The following TMEM120B variants were observed in gnomAD, a reference collection of about 807,000 sequenced individuals.
TMEM120B encodes transmembrane protein 120B.
A neutral mutation model predicts 55.5 loss-of-function variants in TMEM120B; 31 were observed. The observed-to-expected ratio is 0.56, with a 90% CI of 0.42 to 0.75. The LOEUF (loss-of-function observed/expected upper bound fraction) is 0.75, where lower values mean the gene tolerates loss of function less well. Ranked by LOEUF, TMEM120B falls within the 30% of genes least tolerant of loss-of-function variation. The pLI is 0.00. For synonymous variants in TMEM120B, 203 were observed against 176.3 expected (o/e 1.15, Z -1.20); for missense variants, 399 against 425.5 (o/e 0.94, Z 0.55).
At chr12:121,774,834 C>T (rs1213156171) in intron 10 of TMEM120B, 112 bp downstream of exon 10, 1 of 1,357,446 alleles carries the variant, frequency 7.4e-7, no homozygotes, top group Non-Finnish European at 1.0e-6. Context: ...GGGCCCACAG[C>T]ATCCTGGGGC....
chr12:121,714,625 G>A (rs993256612), intron 1 of TMEM120B, among the ~76,000 whole-genome samples: 13 of 141,130 alleles, frequency 9.2e-5, no homozygotes, highest in Admixed American at 3.7e-4. Context: ...GCAGTGGCAC[G>A]ATCGTGGCTC....
intron 5 of TMEM120B, among the ~76,000 whole-genome samples, chr12:121,755,068 C>T (rs1158724387): frequency 6.6e-6 from 1 of 152,194 alleles, no homozygotes. Context: ...GTTAGCATCA[C>T]CGTTGTTTTG....
At chr12:121,751,352 C>T (rs1451156813) in intron 4 of TMEM120B, among the ~76,000 whole-genome samples, 1 of 97,578 alleles carries the variant, frequency 1.0e-5, no homozygotes, top group Non-Finnish European at 2.2e-5. Flanking sequence ...CACCCACACC[C>T]CACCCCACAC....
intron 1 of TMEM120B, among the ~76,000 whole-genome samples, chr12:121,723,007 C>G (rs1406800387): frequency 6.6e-6 from 1 of 152,022 alleles, no homozygotes; most frequent in Non-Finnish European, 1.5e-5. Flanking sequence ...CACCTCCACA[C>G]CCGGCTAATT....
chr12:121,746,429 G>C lies in TMEM120B; in HGVS notation c.189-1897G>C, dbSNP rs530489561. ...CTTGAACTCCCAACCTCAGGTGATC[G>C]GCCCACCTCAGCCTCCCAACGTATT... On this transcript the variant is annotated intron_variant, in intron 2 of 11. Coordinates refer to ENST00000449592, the MANE Select transcript of TMEM120B (RefSeq NM_001080825.2). 3.3e-5 allele frequency among the ~76,000 whole-genome samples: 5 copies of C among 151,732 alleles called. No individual in the cohort carries two copies. In the South Asian group the frequency reaches 6.2e-4, roughly 19 times the overall value.
chr12:121,744,725 T>A (rs774713788), intron 2 of TMEM120B, among the ~76,000 whole-genome samples: 1 of 152,178 alleles, frequency 6.6e-6, no homozygotes, highest in Admixed American at 6.6e-5. Context: ...CCAAGTGACT[T>A]GTCCCAGGTC....
intron 1 of TMEM120B, among the ~76,000 whole-genome samples, chr12:121,741,855 TG>T (rs1235270844): frequency 6.6e-6 from 1 of 151,748 alleles, no homozygotes; most frequent in Non-Finnish European, 1.5e-5. Context: ...TTTTCCTTCC[TG>T]GGGGGCCCAG....
At chr12:121,761,294 A>G (rs993254224) in intron 5 of TMEM120B, among the ~76,000 whole-genome samples, 2 of 152,136 alleles carry the variant, frequency 1.3e-5, no homozygotes, top group Non-Finnish European at 2.9e-5. Context: ...TCCCGTTCTT[A>G]AAGTCCTTCC....
chr12:121,717,127 C>T (rs7305594), intron 1 of TMEM120B, among the ~76,000 whole-genome samples: 1,571 of 152,296 alleles, frequency 0.01, 28 homozygotes, highest in African/African-American at 0.035. Flanking sequence ...GAGTGCTAGT[C>T]TGAGACCAGT....
chr12:121,745,908 C>T (rs1873067395), intron 2 of TMEM120B, among the ~76,000 whole-genome samples: 1 of 152,076 alleles, frequency 6.6e-6, no homozygotes, highest in Admixed American at 6.6e-5. Flanking sequence ...GTCACCCAGG[C>T]TGGAATGCAG....
rs1049956519 is a variant in TMEM120B, at chr12:121,780,666, G to A, written c.*4944G>A. ...CTGTAAACTGGGGGATGTGAACAGC[G>A]CCTGCCTCCGAGTCCTAAGGATTGG... On this transcript the variant is annotated 3_prime_UTR_variant, in exon 12 of 12. Transcript: ENST00000449592. 5.0e-5 allele frequency: 31 copies of A among 618,324 alleles called. No individual in the cohort carries two copies. The highest frequency in any genetic ancestry group is 4.2e-4 in the African/African-American group (23 of 54,282). The allele number at this position is 618,324 out of a possible 1,614,324, so 38.3% of individuals were successfully genotyped here. A position where few individuals can be genotyped will look rare whatever the true frequency, so the allele number is the denominator to read the frequency against.
At chr12:121,721,576 A>G (rs753133087) in intron 1 of TMEM120B, among the ~76,000 whole-genome samples, 8 of 151,334 alleles carry the variant, frequency 5.3e-5, no homozygotes, top group Non-Finnish European at 1.0e-4. Context: ...GTTTCAAGCA[A>G]TTCTTCTGCC....
chr12:121,749,754 A>G (rs1392394457), intron 3 of TMEM120B, among the ~76,000 whole-genome samples: 1 of 151,950 alleles, frequency 6.6e-6, no homozygotes, highest in East Asian at 1.9e-4. Context: ...TAAAAATACA[A>G]AAATTAGCTG....
At chr12:121,752,098 G>T in intron 4 of TMEM120B, 30 bp from the exon 5 acceptor site, 1 of 1,586,326 alleles carries the variant, frequency 6.3e-7, no homozygotes, top group South Asian at 1.1e-5. Context: ...ATGGTAAGGG[G>T]CACACCCCTG....
In TMEM120B at chr12:121,781,168, C is replaced by T. The variant is rs746745426; in HGVS notation, c.*5446C>T. 6.2e-6 allele frequency: 10 copies of T among 1,614,194 alleles called. No individual in the cohort carries two copies. In the Admixed American group the frequency reaches 6.7e-5, roughly 11 times the overall value. On this transcript the variant is annotated 3_prime_UTR_variant, in exon 12 of 12. Coordinates refer to ENST00000449592, the MANE Select transcript of TMEM120B (RefSeq NM_001080825.2). ...GTGGGTGTTCTGGTAGGACAGGGGC[C>T]GCAGCCGGTCATAGTCTTCTTGCCC...
At chr12:121,736,384 T>C (rs572826931) in intron 1 of TMEM120B, among the ~76,000 whole-genome samples, 1 of 151,074 alleles carries the variant, frequency 6.6e-6, no homozygotes, top group African/African-American at 2.4e-5. Flanking sequence ...TAGCCAGGAT[T>C]GTCTCGATCT....
Position 121,727,258 on chromosome 12 carries a change from A to T in TMEM120B, c.69+14294A>T, listed in dbSNP as rs1894913349. On this transcript the variant is annotated intron_variant, in intron 1 of 11. Transcript: ENST00000449592. ...TTTTCACATCTTTAGGATGACATCC[A>T]GGGGCCATGGCTCATGCCTGTCATC... Among the ~76,000 whole-genome samples the T allele has an allele frequency of 2.0e-5, 3 of 149,118 alleles. 1 individual carries two copies. The South Asian group carries it at 6.4e-4, about 32-fold the overall frequency.
intron 6 of TMEM120B, among the ~76,000 whole-genome samples, chr12:121,765,777 C>CCCTCCTCCAGCT (rs1349772073): frequency 2.0e-5 from 3 of 152,306 alleles, no homozygotes; most frequent in Non-Finnish European, 4.4e-5. Context: ...TTAGCCTCCG[C>CCCTCCTCCAGCT]CCTCCTCCAG....
At chr12:121,748,267 C>A in intron 2 of TMEM120B, 59 bp from the exon 3 acceptor site, 1 of 1,370,128 alleles carries the variant, frequency 7.3e-7, no homozygotes, top group Non-Finnish European at 1.0e-6. Context: ...CCGGGGAGTC[C>A]ATAGCCCTCC....
Sources: allele counts gnomAD v4.1 joint callset (sites outside exome capture counted in the v4.1 genomes callset), GRCh38; gene constraint gnomAD v4.1.1; transcripts MANE v1.5; gene names NCBI Gene and HGNC (gene_info 2026-07-23, HGNC 2026-07-21).